Variants in NEK8 observed in about 807,000 individuals in gnomAD.
NEK8 encodes serine/threonine-protein kinase Nek8.
In NEK8, 51 loss-of-function variants were observed where a neutral mutation model predicts 77.2. That is an observed-to-expected ratio of 0.66 (90% CI 0.53 to 0.83). The LOEUF (loss-of-function observed/expected upper bound fraction) is 0.83. Among genes scored for constraint, NEK8 ranks in the 40% least tolerant of loss-of-function variants. NEK8 has a pLI of 0.00. For missense variants in NEK8, 787 were observed against 909.2 expected (o/e 0.87, Z 1.73); for synonymous variants, 365 against 363.2 (o/e 1.00, Z -0.06).
At chr17:28,730,015 T>C (rs770992549) in intron 1 of NEK8, among the ~76,000 whole-genome samples, 23 of 151,934 alleles carry the variant, frequency 1.5e-4, no homozygotes, top group Non-Finnish European at 2.9e-4. Flanking sequence ...GTGGGCAAGG[T>C]AGAGAATGGT....
In NEK8 at chr17:28,741,839, ACT is replaced by A. The variant is rs2034426214; in HGVS notation, c.2051-115_2051-114del. 9 of 1,120,758 alleles carry A rather than the reference ACT, an allele frequency of 8.0e-6. No individual in the cohort carries two copies. Among genetic ancestry groups the A allele is most frequent in the Non-Finnish European group, 1.2e-5 (9 of 733,402 alleles). The allele number at this position is 1,120,758 out of a possible 1,614,324, so 69.4% of individuals were successfully genotyped here. The stretch of plus-strand genomic sequence containing the variant: ...ACTGCTGAGTCCCGTTGATGCTGAA[ACT>A]CTCTTTCTGGCCTAACAGGGTCCAG... On this transcript the variant is annotated intron_variant, in intron 14 of 14. Coordinates refer to ENST00000268766, the MANE Select transcript of NEK8 (RefSeq NM_178170.3). This position sits in a 1 kb window ranked among gnomAD's most constrained non-coding sequence, Gnocchi z 4.5.
chr17:28,733,978 C>T lies in NEK8; in HGVS notation c.48-5C>T. 1 of 1,613,882 alleles carries T rather than the reference C, an allele frequency of 6.2e-7. No individual in the cohort carries two copies. The highest frequency in any genetic ancestry group is 8.5e-7 in the Non-Finnish European group (1 of 1,179,860). On this transcript the variant is annotated splice_polypyrimidine_tract_variant and splice_region_variant and intron_variant, in intron 1 of 14. Coordinates refer to ENST00000268766, the MANE Select transcript of NEK8 (RefSeq NM_178170.3). ...GTAACCTGTCCCTGTCCTCCGTATC[C>T]CTAGGATTGTGCACCTGTGCCTGCG...
rs775028329 is a variant in NEK8, at chr17:28,734,188, G to A, written c.253G>A (p.Gly85Ser). The change falls in exon 2 of 15, where the codon GGC (glycine) becomes AGC (serine). Residue 85 changes from glycine to serine, a missense_variant and splice_region_variant. Transcript: ENST00000268766. ...TATGATCGCCATGGAATATGCACCA[G>A]GTGGGCCAGCCTCCTTACAGTGGCC... ...ALMIAMEYAP[G>S]GTLAEFIQKR... The A allele has an allele frequency of 3.7e-6, 6 of 1,613,962 alleles. No individual in the cohort carries two copies. The African/African-American group carries it at 8.0e-5, about 22-fold the overall frequency.
At chr17:28,733,684 T>G (rs1318676774) in intron 1 of NEK8, among the ~76,000 whole-genome samples, 1 of 152,210 alleles carries the variant, frequency 6.6e-6, no homozygotes, top group East Asian at 1.9e-4. Context: ...TGATGTCACA[T>G]AATGTATCAA....
chr17:28,732,871 CTG>C (rs1445947282), intron 1 of NEK8: 1 of 149,614 alleles, frequency 6.7e-6, no homozygotes, highest in Non-Finnish European at 1.5e-5. Flanking sequence ...TTTCAAGTGT[CTG>C]TTTTTTTGTT....
Position 28,738,250 on chromosome 17 carries a change from G to A in NEK8, c.1222+5G>A. 6.2e-7 allele frequency: 1 copy of A among 1,614,184 alleles called. No individual in the cohort carries two copies. The stretch of plus-strand genomic sequence containing the variant: ...TCTTCACTGCCTGCCTGACTGGTGA[G>A]TTGTCGGGCCTACCTTGTGGGACCT... On this transcript the variant is annotated splice_donor_5th_base_variant and intron_variant, in intron 8 of 14. Coordinates refer to ENST00000268766, the MANE Select transcript of NEK8 (RefSeq NM_178170.3).
At position 28,734,696 on chromosome 17, in the gene NEK8, A is replaced by C. The variant is rs974423128; in HGVS notation, c.254-76A>C. 2.2e-4 allele frequency: 244 copies of C among 1,087,126 alleles called. 2 individuals are homozygous for C. Among genetic ancestry groups the C allele is most frequent in the African/African-American group, 1.7e-3 (107 of 64,282 alleles). 67.3% of individuals were successfully genotyped at this position (1,087,126 alleles called of 1,614,324 possible). On this transcript the variant is annotated intron_variant, in intron 2 of 14. Coordinates refer to ENST00000268766, the MANE Select transcript of NEK8 (RefSeq NM_178170.3). ...AGCGAGACTCCATCTCAAAAAAAAA[A>C]AACAACAACAACAATGGAGAGGGGT...
chr17:28,741,961 G>T lies in NEK8; in HGVS notation c.2053G>T (p.Val685Phe). The T allele has an allele frequency of 2.5e-6, 4 of 1,614,100 alleles. No homozygotes were observed. The highest frequency in any genetic ancestry group is 3.4e-6 in the Non-Finnish European group (4 of 1,180,002). ...GGTTTCTCTTCGGTACCCTCCAGCG[G>T]TCACAGATGAGCCGGTCCCCCCCTG... Reference protein sequence around the residue: ...HGNTLLAVRSVTDEPVPP With the variant: ...HGNTLLAVRSFTDEPVPP The change falls in exon 15 of 15, where the codon GTC becomes TTC. Residue 685 changes from valine (V) to phenylalanine (F), a missense_variant and splice_region_variant. By Grantham distance (50) the Val-to-Phe change is conservative. This residue lies in a region of NEK8 where 516 missense variants were observed against 544.0 expected (regional missense o/e 0.95). Coordinates refer to ENST00000268766, the MANE Select transcript of NEK8 (RefSeq NM_178170.3). This position sits in a 1 kb window ranked among gnomAD's most constrained non-coding sequence, Gnocchi z 4.5.
At chr17:28,731,728 C>G (rs1482464693) in intron 1 of NEK8, among the ~76,000 whole-genome samples, 7 of 149,948 alleles carry the variant, frequency 4.7e-5, no homozygotes, top group South Asian at 2.1e-4. Flanking sequence ...CTCAGCCTCC[C>G]TAGCAGCTGG....
intron 1 of NEK8, among the ~76,000 whole-genome samples, chr17:28,729,768 A>T (rs2034289160): frequency 1.3e-5 from 2 of 152,040 alleles, no homozygotes; most frequent in Admixed American, 1.3e-4. Context: ...CTGGTCTCAA[A>T]TTCCTGACCT....
chr17:28,737,466 G>T lies in NEK8; in HGVS notation c.779G>T (p.Arg260Leu). Residue 260 changes from arginine to leucine, a missense_variant, in exon 5 of 15, where the codon CGT (arginine) becomes CTT (leucine). Around this residue, in one of 2 missense-constraint regions of NEK8, gnomAD observed 271 missense variants for 365.1 expected, o/e 0.74. Coordinates refer to ENST00000268766, the MANE Select transcript of NEK8 (RefSeq NM_178170.3). This position sits in a 1 kb window ranked among gnomAD's most constrained non-coding sequence, Gnocchi z 4.8. ...ATCATGGCACAGCCCCTCTGCATCC[G>T]TGCCCTCCTCAACCTCCACACCGAC... ...SHIMAQPLCI[R>L]ALLNLHTDVG... 1 of 1,612,970 alleles carries T rather than the reference G, an allele frequency of 6.2e-7. No individual in the cohort carries two copies. Among genetic ancestry groups the T allele is most frequent in the Non-Finnish European group, 8.5e-7 (1 of 1,180,018 alleles).
intron 10 of NEK8, among the ~76,000 whole-genome samples, chr17:28,739,844 G>A (rs1320708847): frequency 6.6e-6 from 1 of 152,168 alleles, no homozygotes; most frequent in Non-Finnish European, 1.5e-5. Flanking sequence ...TCTTCCTGGA[G>A]GACTCAGTCT....
rs551747449 is a variant in NEK8, at chr17:28,731,594, G to GTCTT, written c.48-2375_48-2372dup. The stretch of plus-strand genomic sequence containing the variant: ...TTATCAGACCATTCCTCTATATTTT[G>GTCTT]TCTTTCTTTCTTTCTTTTTTTTTTT... On this transcript the variant is annotated intron_variant, in intron 1 of 14. Transcript: ENST00000268766. Among the ~76,000 whole-genome samples the GTCTT allele has an allele frequency of 1.9e-3, 283 of 149,736 alleles. 2 individuals carry two copies. The highest frequency in any genetic ancestry group is 6.1e-3 in the African/African-American group (249 of 40,612).
Position 28,740,972 on chromosome 17 carries a change from A to T in NEK8, c.1719A>T (p.Ser573=). The change falls in exon 12 of 15, where the codon TCA becomes TCT. Residue 573 remains serine, a synonymous_variant. Coordinates refer to ENST00000268766, the MANE Select transcript of NEK8 (RefSeq NM_178170.3). The surrounding 1 kb of genome is among the most constrained non-coding windows in gnomAD (Gnocchi z 4.7). ...GTATAGACCTGGGCACTGCTCACTC[A>T]GCTGCTGTGACTGGTGAGGAGGACT... ...LLSIDLGTAH[S]AAVTASGDCY... 6.2e-7 allele frequency: 1 copy of T among 1,614,102 alleles called. No individual in the cohort carries two copies. The highest frequency in any genetic ancestry group is 8.5e-7 in the Non-Finnish European group (1 of 1,180,010).
intron 1 of NEK8, among the ~76,000 whole-genome samples, chr17:28,733,417 A>C (rs960187281): frequency 1.3e-5 from 2 of 152,206 alleles, no homozygotes; most frequent in Admixed American, 6.5e-5. Context: ...CTTATAGTCC[A>C]CTCATTCAAC....
In NEK8 at chr17:28,737,859, A is replaced by G; in HGVS notation, c.930A>G (p.Pro310=). The stretch of plus-strand genomic sequence containing the variant: ...CTGTGAGGCCAGCCATCCCACCACC[A>G]CTGTCGTCAGTGTATGCCTGGGGTG... The part of the protein sequence containing the change: ...RGPVRPAIPP[P]LSSVYAWGGG... Residue 310 remains proline (P), a synonymous_variant, in exon 7 of 15, where the codon CCA becomes CCG. Coordinates refer to ENST00000268766, the MANE Select transcript of NEK8 (RefSeq NM_178170.3). The surrounding 1 kb of genome is among the most constrained non-coding windows in gnomAD (Gnocchi z 4.8). 2 of 1,613,804 alleles carry G rather than the reference A, an allele frequency of 1.2e-6. No individual in the cohort carries two copies. Among genetic ancestry groups the G allele is most frequent in the Non-Finnish European group, 1.7e-6 (2 of 1,179,980 alleles).
At position 28,740,504 on chromosome 17, in the gene NEK8, C is replaced by A. The variant is rs1002950135; in HGVS notation, c.1459C>A (p.Gln487Lys). 3 of 1,614,008 alleles carry A rather than the reference C, an allele frequency of 1.9e-6. No individual in the cohort carries two copies. The highest frequency in any genetic ancestry group is 1.3e-5 in the African/African-American group (1 of 74,928). ...LGTRESHSCP[Q>K]QVPMPPGQEA... ...CACCAGGGAGTCCCACAGCTGCCCC[C>A]AGCAGGTGCCCATGCCCCCAGGACA... Residue 487 changes from glutamine to lysine, a missense_variant, in exon 11 of 15, where the codon CAG (glutamine) becomes AAG (lysine). Physicochemically the swap from Gln to Lys is moderately conservative, Grantham distance 53 (BLOSUM62 1). Transcript: ENST00000268766. This position sits in a 1 kb window ranked among gnomAD's most constrained non-coding sequence, Gnocchi z 4.7.
In NEK8 at chr17:28,738,668, C is replaced by T. The variant is rs756063753; in HGVS notation, c.1223-3C>T. ...TCTCCTTCCTCACTGCCCTTCTCCC[C>T]AGACAGAGGCATCATCATGACATTC... On this transcript the variant is annotated splice_region_variant and splice_polypyrimidine_tract_variant and intron_variant, in intron 8 of 14. Coordinates refer to ENST00000268766, the MANE Select transcript of NEK8 (RefSeq NM_178170.3). The T allele has an allele frequency of 5.0e-6, 8 of 1,613,794 alleles. No individual in the cohort carries two copies. Among genetic ancestry groups the T allele is most frequent in the Admixed American group, 1.7e-5 (1 of 60,030 alleles).
At chr17:28,731,045 G>C (rs765790604) in intron 1 of NEK8, among the ~76,000 whole-genome samples, 2 of 152,154 alleles carry the variant, frequency 1.3e-5, no homozygotes, top group Non-Finnish European at 2.9e-5. Flanking sequence ...CTGAGGTCAA[G>C]AGTTCGAGAC....
Sources: allele counts gnomAD v4.1 joint callset (sites outside exome capture counted in the v4.1 genomes callset), GRCh38; gene constraint gnomAD v4.1.1; regional missense constraint gnomAD v4.1.1; non-coding constraint Gnocchi (gnomAD v3.1); transcripts MANE v1.5; gene names NCBI Gene and HGNC (gene_info 2026-07-23, HGNC 2026-07-21).